ATP6V1H: variants seen among roughly 807,000 people sequenced by gnomAD.
ATP6V1H encodes V-type proton ATPase subunit H.
A neutral mutation model predicts 71.7 loss-of-function variants in ATP6V1H; 39 were observed. The ratio of observed to expected loss-of-function variants is 0.54; its 90% CI spans 0.42 to 0.71. ATP6V1H has a LOEUF of 0.71. Among genes scored for constraint, ATP6V1H ranks in the 30% least tolerant of loss-of-function variants. The pLI, the probability that ATP6V1H is intolerant of heterozygous loss-of-function variation, is 0.00. For synonymous variants in ATP6V1H, 192 were observed against 199.3 expected, an observed-to-expected ratio of 0.96 and a Z score of 0.31; for missense variants, 509 against 594.9, an observed-to-expected ratio of 0.86 and a Z score of 1.50.
At chr8:53,775,610 AC>A (rs1253231271) in intron 9 of ATP6V1H, among the ~76,000 whole-genome samples, 2 of 152,200 alleles carry the variant, frequency 1.3e-5, no homozygotes, top group African/African-American at 4.8e-5. Context: ...TGGTGCACTC[AC>A]AAACCTTGAG....
rs763293974 is a variant in ATP6V1H, at chr8:53,829,917, GA to G, written c.217-385del. 1.6e-4 allele frequency among the ~76,000 whole-genome samples: 24 copies of G among 152,282 alleles called. 1 individual carries two copies. The highest frequency in any genetic ancestry group is 3.4e-3 in the Middle Eastern group (1 of 294). On this transcript the variant is annotated intron_variant, in intron 3 of 13. Coordinates refer to ENST00000359530, the MANE Select transcript of ATP6V1H (RefSeq NM_015941.4). Reference sequence around the variant, plus strand: ...AGACAAGAGCAACAAGAGTACCAGAGATTGGAATCAGAAGGCCCTGACTAGT... The same window carrying G: ...AGACAAGAGCAACAAGAGTACCAGAGTTGGAATCAGAAGGCCCTGACTAGT...
chr8:53,776,270 C>CCTGCAAGCTGAGGGA (rs1808886784), intron 9 of ATP6V1H, among the ~76,000 whole-genome samples: 1 of 152,212 alleles, frequency 6.6e-6, no homozygotes, highest in Non-Finnish European at 1.5e-5. Context: ...AGTTCCCGCT[C>CCTGCAAGCTGAGGGA]GTGCCTCTCC....
intron 2 of ATP6V1H, among the ~76,000 whole-genome samples, chr8:53,840,139 G>A (rs1811295209): frequency 6.6e-6 from 1 of 152,182 alleles, no homozygotes; most frequent in Non-Finnish European, 1.5e-5. Flanking sequence ...CCAAGGGGTA[G>A]AATTACTTGT....
At chr8:53,778,246 A>G (rs1808964357) in intron 9 of ATP6V1H, among the ~76,000 whole-genome samples, 1 of 152,236 alleles carries the variant, frequency 6.6e-6, no homozygotes, top group African/African-American at 2.4e-5. Context: ...TACATGTGAC[A>G]TTTTGATACA....
Position 53,801,869 on chromosome 8 carries a change from C to T in ATP6V1H, c.607G>A (p.Gly203Arg), listed in dbSNP as rs766598818. Residue 203 changes from glycine to arginine, a missense_variant, in exon 8 of 14, where the codon GGG becomes AGG. Physicochemically the swap from Gly to Arg is moderately radical, Grantham distance 125. Around this residue, in one of 2 missense-constraint regions of ATP6V1H, gnomAD observed 297 missense variants for 303.3 expected, o/e 0.98. Coordinates refer to ENST00000359530, the MANE Select transcript of ATP6V1H (RefSeq NM_015941.4). Reference sequence around the variant, plus strand: ...ACCCGGAGCATCAGCTGCAAACACCCGGCCACGCACTGCACATACTGCGAA... The same window carrying T: ...ACCCGGAGCATCAGCTGCAAACACCTGGCCACGCACTGCACATACTGCGAA... ...DSSQYVQCVA[G>R]CLQLMLRVNE... is the part of the protein sequence containing the mutation. 1.6e-5 allele frequency: 26 copies of T among 1,613,748 alleles called. No individual in the cohort carries two copies. In the Admixed American group the frequency reaches 2.0e-4, roughly 12 times the overall value.
intron 13 of ATP6V1H, among the ~76,000 whole-genome samples, chr8:53,739,318 G>A (rs1170380302): frequency 6.6e-6 from 1 of 151,978 alleles, no homozygotes; most frequent in Non-Finnish European, 1.5e-5. Context: ...TTTAATCACT[G>A]TATTTATGGC....
intron 13 of ATP6V1H, among the ~76,000 whole-genome samples, chr8:53,721,699 C>A (rs1007167027): frequency 1.3e-5 from 2 of 152,128 alleles, no homozygotes; most frequent in African/African-American, 2.4e-5. Flanking sequence ...AATAGTACTA[C>A]CTCATGGTAC....
At chr8:53,780,346 A>C (rs1809063817) in intron 9 of ATP6V1H, among the ~76,000 whole-genome samples, 1 of 152,098 alleles carries the variant, frequency 6.6e-6, no homozygotes, top group South Asian at 2.1e-4. Flanking sequence ...ACTTTGTCAA[A>C]TCAATCATTA....
At chr8:53,806,846 AC>A (rs1481356929) in intron 7 of ATP6V1H, 1 of 455,070 alleles carries the variant, frequency 2.2e-6, no homozygotes, top group East Asian at 7.0e-5. Flanking sequence ...CGTGTAATTT[AC>A]TGAATACTGT....
At chr8:53,778,518 C>T (rs953139965) in intron 9 of ATP6V1H, among the ~76,000 whole-genome samples, 6 of 152,068 alleles carry the variant, frequency 3.9e-5, no homozygotes, top group Admixed American at 6.6e-5. Context: ...CTCTGACAAC[C>T]GAAGACTATT....
chr8:53,789,565 C>T (rs146553295), intron 9 of ATP6V1H, among the ~76,000 whole-genome samples: 207 of 152,100 alleles, frequency 1.4e-3, no homozygotes, highest in African/African-American at 4.5e-3. Context: ...CTTTAAAAGC[C>T]ATGTAGTCTC....
intron 11 of ATP6V1H, among the ~76,000 whole-genome samples, chr8:53,768,254 T>C (rs1808536197): frequency 6.6e-6 from 1 of 152,100 alleles, no homozygotes. Flanking sequence ...ACTCACTCAG[T>C]GTGAGTGGCT....
chr8:53,763,913 A>C, intron 11 of ATP6V1H, among the ~76,000 whole-genome samples: 1 of 152,234 alleles, frequency 6.6e-6, no homozygotes, highest in African/African-American at 2.4e-5. Context: ...AACAAGAACT[A>C]GCTAGAGAAA....
intron 2 of ATP6V1H, among the ~76,000 whole-genome samples, chr8:53,833,561 A>T (rs1811072880): frequency 6.6e-6 from 1 of 151,700 alleles, no homozygotes; most frequent in Non-Finnish European, 1.5e-5. Context: ...ACAGAAAAAA[A>T]AAAAACAAAA....
intron 12 of ATP6V1H, among the ~76,000 whole-genome samples, chr8:53,745,132 T>C (rs1306087335): frequency 2.6e-5 from 4 of 152,170 alleles, no homozygotes; most frequent in African/African-American, 4.8e-5. Context: ...CAGTGGCTCA[T>C]GCCTGTAATC....
At chr8:53,823,001 T>C (rs929374774) in intron 4 of ATP6V1H, among the ~76,000 whole-genome samples, 1 of 151,844 alleles carries the variant, frequency 6.6e-6, no homozygotes, top group Non-Finnish European at 1.5e-5. Flanking sequence ...GTACAAAAGA[T>C]ATTAGAAAAG....
intron 9 of ATP6V1H, among the ~76,000 whole-genome samples, chr8:53,777,948 T>C (rs1253722604): frequency 2.6e-5 from 4 of 152,140 alleles, no homozygotes; most frequent in Admixed American, 1.3e-4. Flanking sequence ...TAAAACACTG[T>C]TTTTCCCTCT....
chr8:53,756,069 CTTT>C (rs199967847), intron 12 of ATP6V1H, among the ~76,000 whole-genome samples: 1 of 96,546 alleles, frequency 1.0e-5, no homozygotes, highest in East Asian at 3.3e-4. Flanking sequence ...TTTTTCTTTT[CTTT>C]TTTTTTTTTT....
At chr8:53,716,996 T>C (rs1039275162) in intron 13 of ATP6V1H, among the ~76,000 whole-genome samples, 3 of 152,174 alleles carry the variant, frequency 2.0e-5, no homozygotes, top group African/African-American at 7.2e-5. Flanking sequence ...GGTATTCCCA[T>C]GGGGGCTCTA....
Sources: allele counts gnomAD v4.1 joint callset (sites outside exome capture counted in the v4.1 genomes callset), GRCh38; gene constraint gnomAD v4.1.1; regional missense constraint gnomAD v4.1.1; transcripts MANE v1.5; gene names NCBI Gene and HGNC (gene_info 2026-07-23, HGNC 2026-07-21).